C16orf54: variants seen among roughly 807,000 people sequenced by gnomAD.
C16orf54 encodes the protein transmembrane protein C16orf54.
C16orf54 carries 2 observed loss-of-function variants against 3.9 expected under a neutral mutation model. The ratio of observed to expected loss-of-function variants is 0.52; its 90% CI spans 0.21 to 1.63. The LOEUF is 1.63. Ranked by LOEUF, C16orf54 falls within the 40% of genes most tolerant of loss-of-function variation. The probability of loss-of-function intolerance (pLI) is 0.21; values close to 1 mark genes in which losing one functional copy is unlikely to be tolerated. For missense variants in C16orf54, 272 were observed against 326.3 expected, an observed-to-expected ratio of 0.83 and a Z score of 1.28; for synonymous variants, 128 against 135.1, an observed-to-expected ratio of 0.95 and a Z score of 0.37.
In C16orf54 at chr16:29,743,338, G is replaced by A. The variant is rs1968087343; in HGVS notation, c.*939C>T. 1 of 150,290 alleles carries A rather than the reference G, an allele frequency of 6.7e-6. No homozygotes were observed. Among genetic ancestry groups the A allele is most frequent in the African/African-American group, 2.4e-5 (1 of 40,890 alleles). 9.3% of individuals were successfully genotyped at this position (150,290 alleles called of 1,614,324 possible). A position where few individuals can be genotyped will look rare whatever the true frequency, so the allele number is the denominator to read the frequency against. On this transcript the variant is annotated 3_prime_UTR_variant, in exon 2 of 2. Transcript: ENST00000329410. ...AACTACATCTGCTGCTCACCCACCT[G>A]CCTGCCTCTCCTAAAGGGAAGATTG...
At chr16:29,745,010 T>A in intron 1 of C16orf54, 59 bp from the exon 2 acceptor site, 1 of 1,357,132 alleles carries the variant, frequency 7.4e-7, no homozygotes, top group East Asian at 2.8e-5. Flanking sequence ...ACAACCAAGA[T>A]GAGAGAGAGG....
At position 29,744,357 on chromosome 16, in the gene C16orf54, ACTCAGGATCCGGGCTC is replaced by A; in HGVS notation, c.579_594del (p.Ser194GlyfsTer52). 6.2e-7 allele frequency: 1 copy of A among 1,612,590 alleles called. No homozygotes were observed. The highest frequency in any genetic ancestry group is 8.5e-7 in the Non-Finnish European group (1 of 1,179,874). ...AAGGTGACCCGTGGCTGGAGGCCCC[ACTCAGGATCCGGGCTC>A]CCTGGCCGCTGCCTCCTGGCCTGGG... On this transcript the variant is annotated frameshift_variant, in exon 2 of 2. Coordinates refer to ENST00000329410, the MANE Select transcript of C16orf54 (RefSeq NM_175900.4). LOFTEE classifies it high-confidence loss of function. The surrounding 1 kb of genome is among the most constrained non-coding windows in gnomAD (Gnocchi z 7.1).
In C16orf54 at chr16:29,744,286, CA is replaced by C; in HGVS notation, c.665del (p.Val222GlyfsTer29). 6.2e-7 allele frequency: 1 copy of C among 1,612,804 alleles called. No individual in the cohort carries two copies. Among genetic ancestry groups the C allele is most frequent in the Non-Finnish European group, 8.5e-7 (1 of 1,179,912 alleles). On this transcript the variant is annotated frameshift_variant, in exon 2 of 2. Transcript: ENST00000329410. LOFTEE classifies it high-confidence loss of function. The surrounding 1 kb of genome is among the most constrained non-coding windows in gnomAD (Gnocchi z 7.1). The part of the protein sequence containing the change: ...AFWKREGRTS[V>X]GF ...GGGGAACCCTGGGGATTCAGAACCC[CA>C]CACTGGTCCGGCCTTCACGCTTCCA...
In C16orf54 at chr16:29,744,483, A is replaced by G. The variant is rs754718868; in HGVS notation, c.469T>C (p.Trp157Arg). 4.8e-5 allele frequency: 74 copies of G among 1,544,162 alleles called. No individual in the cohort carries two copies. Among genetic ancestry groups the G allele is most frequent in the Non-Finnish European group, 6.2e-5 (71 of 1,144,892 alleles). ...CCTGTGGCGGGGGGCCTCCCCTCCC[A>G]GGGCTGGGGCCCCCAGAAGGTGCTC... ...ARSTFWGPQP[W>R]EGRPPATGLV... is the part of the protein sequence containing the mutation. The change falls in exon 2 of 2, where the codon TGG becomes CGG. Residue 157 changes from tryptophan to arginine, a missense_variant. Transcript: ENST00000329410. The surrounding 1 kb of genome is among the most constrained non-coding windows in gnomAD (Gnocchi z 7.1).
chr16:29,744,594 G>A lies in C16orf54; in HGVS notation c.358C>T (p.Arg120Ter), dbSNP rs1020766444. Residue 120 changes from arginine (R) to a stop codon, truncating the protein, a stop_gained, in exon 2 of 2, where the codon CGA (arginine) becomes TGA (stop). Coordinates refer to ENST00000329410, the MANE Select transcript of C16orf54 (RefSeq NM_175900.4). LOFTEE classifies it low-confidence loss of function (END_TRUNC). The surrounding 1 kb of genome is among the most constrained non-coding windows in gnomAD (Gnocchi z 7.1). ...GAGGGGGCAGGTGGGGCTGTTGCTC[G>A]GGCCTCCAAAGTGCCCACCTGGGTG... The part of the protein sequence containing the change: ...PPTQVGTLEA[R>*]ATAPPAPSAP... 1.1e-5 allele frequency: 16 copies of A among 1,466,822 alleles called. No homozygotes were observed. Among genetic ancestry groups the A allele is most frequent in the East Asian group, 9.9e-5 (4 of 40,260 alleles). 90.9% of individuals were successfully genotyped at this position (1,466,822 alleles called of 1,614,324 possible).
rs752949285 is a variant in C16orf54 at position 29,744,353 on chromosome 16, C to A, written c.599G>T (p.Gly200Val). The A allele has an allele frequency of 1.2e-6, 2 of 1,612,744 alleles. No individual in the cohort carries two copies. The highest frequency in any genetic ancestry group is 2.2e-5 in the South Asian group (2 of 90,992). ...CTCCAAGGTGACCCGTGGCTGGAGG[C>A]CCCACTCAGGATCCGGGCTCCCTGG... ...QRPGSPDPEW[G>V]LQPRVTLEQI... is the part of the protein sequence containing the mutation. The change falls in exon 2 of 2, where the codon GGC (glycine) becomes GTC (valine). Residue 200 changes from glycine to valine, a missense_variant. Physicochemically the swap from Gly to Val is moderately radical, Grantham distance 109. Coordinates refer to ENST00000329410, the MANE Select transcript of C16orf54 (RefSeq NM_175900.4). This position sits in a 1 kb window ranked among gnomAD's most constrained non-coding sequence, Gnocchi z 7.1.
Position 29,744,780 on chromosome 16 carries a change from G to A in C16orf54, c.172C>T (p.Arg58Cys), listed in dbSNP as rs200439714. 2.2e-5 allele frequency: 32 copies of A among 1,462,836 alleles called. No homozygotes were observed. The East Asian group carries it at 3.8e-4, about 17-fold the overall frequency. 90.6% of individuals were successfully genotyped at this position (1,462,836 alleles called of 1,614,324 possible). Residue 58 changes from arginine to cysteine, a missense_variant, in exon 2 of 2, where the codon CGC becomes TGC. Arg to Cys is a radical substitution (Grantham distance 180). Transcript: ENST00000329410. This position sits in a 1 kb window ranked among gnomAD's most constrained non-coding sequence, Gnocchi z 7.1. The stretch of plus-strand genomic sequence containing the variant: ...CTGGGGTCTGGGCGGAGAGCACGGC[G>A]GAACAGGCGTTCAGCCAACACAGCG... Reference protein sequence around the residue: ...TTAVLAERLFRRALRPDPSHR... With the variant: ...TTAVLAERLFCRALRPDPSHR...
At position 29,744,702 on chromosome 16, in the gene C16orf54, G is replaced by T. The variant is rs916939664; in HGVS notation, c.250C>A (p.Pro84Thr). 1 of 1,468,412 alleles carries T rather than the reference G, an allele frequency of 6.8e-7. No individual in the cohort carries two copies. Among genetic ancestry groups the T allele is most frequent in the South Asian group, 1.5e-5 (1 of 68,212 alleles). The allele number at this position is 1,468,412 out of a possible 1,614,324, so 91.0% of individuals were successfully genotyped here. Reference protein sequence around the residue: ...WRPGGELWIEPMGTARERSED... With the variant: ...WRPGGELWIETMGTARERSED... The stretch of plus-strand genomic sequence containing the variant: ...GAGCGCTCTCGGGCGGTGCCCATGG[G>T]CTCAATCCACAGCTCTCCTCCTGGG... Residue 84 changes from proline to threonine, a missense_variant, in exon 2 of 2, where the codon CCC becomes ACC. Physicochemically the swap from Pro to Thr is conservative, Grantham distance 38. Transcript: ENST00000329410. This position sits in a 1 kb window ranked among gnomAD's most constrained non-coding sequence, Gnocchi z 7.1.
rs1486710824 is a variant in C16orf54 at position 29,744,383 on chromosome 16, T to C, written c.569A>G (p.Gln190Arg). The change falls in exon 2 of 2, where the codon CAG becomes CGG. Residue 190 changes from glutamine to arginine, a missense_variant. Coordinates refer to ENST00000329410, the MANE Select transcript of C16orf54 (RefSeq NM_175900.4). The surrounding 1 kb of genome is among the most constrained non-coding windows in gnomAD (Gnocchi z 7.1). ...CTCAGGATCCGGGCTCCCTGGCCGC[T>C]GCCTCCTGGCCTGGGGGCTCCCAAA... Reference protein sequence around the residue: ...VQFGSPQARRQRPGSPDPEWG... With the variant: ...VQFGSPQARRRRPGSPDPEWG... 1 of 1,608,974 alleles carries C rather than the reference T, an allele frequency of 6.2e-7. No homozygotes were observed. The highest frequency in any genetic ancestry group is 8.5e-7 in the Non-Finnish European group (1 of 1,178,450).
In C16orf54 at chr16:29,744,299, C is replaced by A. The variant is rs201665846; in HGVS notation, c.653G>T (p.Gly218Val). Residue 218 changes from glycine to valine, a missense_variant, in exon 2 of 2, where the codon GGC (glycine) becomes GTC (valine). Gly to Val is a moderately radical substitution (Grantham distance 109). Coordinates refer to ENST00000329410, the MANE Select transcript of C16orf54 (RefSeq NM_175900.4). The surrounding 1 kb of genome is among the most constrained non-coding windows in gnomAD (Gnocchi z 7.1). ...GATTCAGAACCCCACACTGGTCCGG[C>A]CTTCACGCTTCCAGAAAGCTGAGAT... ...EQISAFWKRE[G>V]RTSVGF 8 of 1,612,984 alleles carry A rather than the reference C, an allele frequency of 5.0e-6. No individual in the cohort carries two copies. In the African/African-American group the frequency reaches 6.7e-5, roughly 13 times the overall value.
rs753800773 is a variant in C16orf54, at chr16:29,744,325, C to T, written c.627G>A (p.Gln209=). The change falls in exon 2 of 2, where the codon CAG becomes CAA. Residue 209 remains glutamine (Q), a synonymous_variant. Coordinates refer to ENST00000329410, the MANE Select transcript of C16orf54 (RefSeq NM_175900.4). This position sits in a 1 kb window ranked among gnomAD's most constrained non-coding sequence, Gnocchi z 7.1. The part of the protein sequence containing the change: ...WGLQPRVTLE[Q]ISAFWKREGR... ...CTTCACGCTTCCAGAAAGCTGAGAT[C>T]TGCTCCAAGGTGACCCGTGGCTGGA... 5 of 1,613,048 alleles carry T rather than the reference C, an allele frequency of 3.1e-6. No individual in the cohort carries two copies. In the South Asian group the frequency reaches 5.5e-5, roughly 18 times the overall value.
chr16:29,745,019 G>C, intron 1 of C16orf54, 68 bp from the exon 2 acceptor site: 2 of 1,333,910 alleles, frequency 1.5e-6, no homozygotes, highest in Non-Finnish European at 1.9e-6. Flanking sequence ...ATGAGAGAGA[G>C]GCAGCAGGTG....
Position 29,743,606 on chromosome 16 carries a change from G to A in C16orf54, c.*671C>T, listed in dbSNP as rs1279951666. 6.6e-6 allele frequency: 1 copy of A among 152,326 alleles called. No individual in the cohort carries two copies. The highest frequency in any genetic ancestry group is 1.5e-5 in the Non-Finnish European group (1 of 68,138). 9.4% of individuals were successfully genotyped at this position (152,326 alleles called of 1,614,324 possible). A position where few individuals can be genotyped will look rare whatever the true frequency, so the allele number is the denominator to read the frequency against. On this transcript the variant is annotated 3_prime_UTR_variant, in exon 2 of 2. Coordinates refer to ENST00000329410, the MANE Select transcript of C16orf54 (RefSeq NM_175900.4). Reference sequence around the variant, plus strand: ...GAGGCTGAGACGTGTGCAGATGGAGGAGAATGGGCAGAGGAGCCTGTGGGT... The same window carrying A: ...GAGGCTGAGACGTGTGCAGATGGAGAAGAATGGGCAGAGGAGCCTGTGGGT...
Position 29,744,717 on chromosome 16 carries a change from C to G in C16orf54, c.235G>C (p.Glu79Gln). 1.4e-6 allele frequency: 2 copies of G among 1,462,928 alleles called. No homozygotes were observed. The highest frequency in any genetic ancestry group is 1.8e-6 in the Non-Finnish European group (2 of 1,108,508). 90.6% of individuals were successfully genotyped at this position (1,462,928 alleles called of 1,614,324 possible). ...APTLVWRPGGELWIEPMGTAR... is the reference protein window; with the variant it reads ...APTLVWRPGGQLWIEPMGTAR... Reference sequence around the variant, plus strand: ...GTGCCCATGGGCTCAATCCACAGCTCTCCTCCTGGGCGCCACACCAGGGTG... The same window carrying G: ...GTGCCCATGGGCTCAATCCACAGCTGTCCTCCTGGGCGCCACACCAGGGTG... The change falls in exon 2 of 2, where the codon GAG (glutamate) becomes CAG (glutamine). Residue 79 changes from glutamate (E) to glutamine (Q), a missense_variant. Glu to Gln is a conservative substitution (Grantham distance 29). Coordinates refer to ENST00000329410, the MANE Select transcript of C16orf54 (RefSeq NM_175900.4). The surrounding 1 kb of genome is among the most constrained non-coding windows in gnomAD (Gnocchi z 7.1).
rs551608693 is a variant in C16orf54, at chr16:29,744,466, G to A, written c.486C>T (p.Pro162=). 1.2e-5 allele frequency: 18 copies of A among 1,551,566 alleles called. No individual in the cohort carries two copies. In the Admixed American group the frequency reaches 1.6e-4, roughly 14 times the overall value. ...WGPQPWEGRP[P]ATGLVSWAEP... ...CAGCCCAGCTCACCAGGCCTGTGGC[G>A]GGGGGCCTCCCCTCCCAGGGCTGGG... The change falls in exon 2 of 2, where the codon CCC becomes CCT. Residue 162 remains proline (P), a synonymous_variant. Coordinates refer to ENST00000329410, the MANE Select transcript of C16orf54 (RefSeq NM_175900.4). This position sits in a 1 kb window ranked among gnomAD's most constrained non-coding sequence, Gnocchi z 7.1.
rs1344291538 is a variant in C16orf54 at position 29,743,224 on chromosome 16, G to C, written c.*1053C>G. The C allele has an allele frequency of 7.4e-6, 1 of 134,988 alleles. No homozygotes were observed. Among genetic ancestry groups the C allele is most frequent in the Non-Finnish European group, 1.6e-5 (1 of 64,292 alleles). The allele number at this position is 134,988 out of a possible 1,614,324, so 8.4% of individuals were successfully genotyped here. ...AGATTGTGCCACTGCACTCCAGTCT[G>C]GGTGACAGAGTTGAGATTCTGTCTC... On this transcript the variant is annotated 3_prime_UTR_variant, in exon 2 of 2. Transcript: ENST00000329410.
Position 29,744,525 on chromosome 16 carries a change from G to A in C16orf54, c.427C>T (p.Leu143=). The A allele has an allele frequency of 6.6e-7, 1 of 1,518,626 alleles. No individual in the cohort carries two copies. Among genetic ancestry groups the A allele is most frequent in the African/African-American group, 1.4e-5 (1 of 71,366 alleles). The allele number at this position is 1,518,626 out of a possible 1,614,324, so 94.1% of individuals were successfully genotyped here. Residue 143 remains leucine (L), a synonymous_variant, in exon 2 of 2, where the codon CTG becomes TTG. Transcript: ENST00000329410. The surrounding 1 kb of genome is among the most constrained non-coding windows in gnomAD (Gnocchi z 7.1). ...AAGGTGCTCCGGGCTGGGACCTCCA[G>A]TACGGTCTGGGGGCCCAAGTTGCTG... is the stretch of plus-strand genomic sequence containing the variant. ...APSNLGPQTV[L]EVPARSTFWG... is the part of the protein sequence containing the mutation.
In C16orf54 at chr16:29,744,148, A is replaced by C; in HGVS notation, c.*129T>G. 1 of 849,962 alleles carries C rather than the reference A, an allele frequency of 1.2e-6. No homozygotes were observed. The highest frequency in any genetic ancestry group is 1.9e-6 in the Non-Finnish European group (1 of 530,976). 52.7% of individuals were successfully genotyped at this position (849,962 alleles called of 1,614,324 possible). Reference sequence around the variant, plus strand: ...CCACCACCCAGACCCGGGGAGGGGGACTCCAGGTGGAAGGAGCCTGGGAAG... The same window carrying C: ...CCACCACCCAGACCCGGGGAGGGGGCCTCCAGGTGGAAGGAGCCTGGGAAG... On this transcript the variant is annotated 3_prime_UTR_variant, in exon 2 of 2. Coordinates refer to ENST00000329410, the MANE Select transcript of C16orf54 (RefSeq NM_175900.4). The surrounding 1 kb of genome is among the most constrained non-coding windows in gnomAD (Gnocchi z 7.1).
rs567277404 is a variant in C16orf54 at position 29,745,120 on chromosome 16, C to G, written c.1-169G>C. 4.6e-6 allele frequency: 3 copies of G among 653,206 alleles called. No individual in the cohort carries two copies. In the South Asian group the frequency reaches 1.4e-4, roughly 30 times the overall value. The allele number at this position is 653,206 out of a possible 1,614,324, so 40.5% of individuals were successfully genotyped here. ...GGTCGAGGCGGGAGGATCACTTGAG[C>G]CCAGGAGTTCAAGACCAGCCTGGAC... On this transcript the variant is annotated intron_variant, in intron 1 of 1. Coordinates refer to ENST00000329410, the MANE Select transcript of C16orf54 (RefSeq NM_175900.4).
Sources: gnomAD v4.1 joint callset for allele counts on GRCh38, gnomAD v4.1.1 for gene constraint, Gnocchi (gnomAD v3.1) non-coding constraint, MANE v1.5 for transcripts, NCBI Gene and HGNC (gene_info 2026-07-23, HGNC 2026-07-21) for gene names.